Variants in RANBP17 observed in about 807,000 individuals in gnomAD.
RANBP17 encodes the protein RAN binding protein 17.
Under a neutral mutation model 141.2 loss-of-function variants are expected in RANBP17, and 158 were observed. The observed-to-expected ratio is 1.12, with a 90% CI of 0.98 to 1.28. The LOEUF (loss-of-function observed/expected upper bound fraction) is 1.28. RANBP17 is among the 50% of genes most tolerant of loss of function. The pLI, the probability that RANBP17 is intolerant of heterozygous loss-of-function variation, is 0.00. For synonymous variants in RANBP17, 430 were observed against 450.0 expected (o/e 0.96, Z 0.56); for missense variants, 1,438 against 1,290.7 (o/e 1.11, Z -1.75).
chr5:171,010,140 A>G (rs1561984073), intron 14 of RANBP17, among the ~76,000 whole-genome samples: 2 of 152,184 alleles, frequency 1.3e-5, no homozygotes, highest in South Asian at 2.1e-4. Context: ...ATGCGGGACA[A>G]GATTCCAGGA....
chr5:171,215,147 A>G (rs1763143763), intron 21 of RANBP17, among the ~76,000 whole-genome samples: 1 of 151,744 alleles, frequency 6.6e-6, no homozygotes, highest in African/African-American at 2.4e-5. Context: ...GAGTGAGAAC[A>G]TGTGGTGTTT....
chr5:171,087,497 G>A (rs1474790471), intron 14 of RANBP17, among the ~76,000 whole-genome samples: 1 of 152,146 alleles, frequency 6.6e-6, no homozygotes, highest in African/African-American at 2.4e-5. Context: ...GTGCAGAGCT[G>A]AGTTCAATTC....
rs769736993 is a variant in RANBP17 at position 170,878,243 on chromosome 5, A to T, written c.165A>T (p.Thr55=). The change falls in exon 2 of 28, where the codon ACA becomes ACT. Residue 55 remains threonine, a splice_region_variant and synonymous_variant. Transcript: ENST00000523189. ...GTCAACTTTTATTAGAACAAGGAACAGTAAGTATTTGGTAACAATGATTAA... is the reference window on the plus strand; with the variant it reads ...GTCAACTTTTATTAGAACAAGGAACTGTAAGTATTTGGTAACAATGATTAA... The part of the protein sequence containing the change: ...SKCQLLLEQG[T]TSYAQLLAAT... 6.2e-7 allele frequency: 1 copy of T among 1,604,258 alleles called. No homozygotes were observed.
chr5:171,199,609 T>G, intron 18 of RANBP17, 61 bp from the exon 19 acceptor site: 1 of 1,040,692 alleles, frequency 9.6e-7, no homozygotes, highest in Non-Finnish European at 1.5e-6. Context: ...CACTCAATGC[T>G]GAGGACAATG....
chr5:171,016,880 G>T (rs557401778), intron 14 of RANBP17, among the ~76,000 whole-genome samples: 1 of 151,300 alleles, frequency 6.6e-6, no homozygotes, highest in Admixed American at 6.6e-5. Context: ...CTATTGACCC[G>T]TCCTCTTAAG....
intron 2 of RANBP17, 46 bp from the exon 3 acceptor site, chr5:170,881,755 CTTTAT>C (rs1768715322): frequency 7.7e-7 from 1 of 1,292,586 alleles, no homozygotes; most frequent in South Asian, 1.5e-5. Context: ...TATCACAATG[CTTTAT>C]TTTAATTTCA....
intron 18 of RANBP17, among the ~76,000 whole-genome samples, chr5:171,199,369 A>G (rs1338437261): frequency 6.6e-6 from 1 of 152,114 alleles, no homozygotes; most frequent in Non-Finnish European, 1.5e-5. Flanking sequence ...GCATTAGAGA[A>G]GCTCTAGGGG....
intron 19 of RANBP17, among the ~76,000 whole-genome samples, 197 bp from the exon 20 acceptor site, chr5:171,205,327 T>C (rs1265515873): frequency 6.6e-6 from 1 of 152,214 alleles, no homozygotes; most frequent in Non-Finnish European, 1.5e-5. Context: ...GCTAAATTTA[T>C]AAGAAGTAAA....
chr5:171,099,465 T>A (rs546177102), intron 14 of RANBP17, among the ~76,000 whole-genome samples: 16 of 152,330 alleles, frequency 1.1e-4, no homozygotes, highest in Admixed American at 6.5e-4. Context: ...ATCCTGAGAC[T>A]TTGTTGACGT....
intron 14 of RANBP17, among the ~76,000 whole-genome samples, chr5:171,064,238 T>G (rs1784136635): frequency 1.3e-5 from 2 of 152,186 alleles, no homozygotes; most frequent in Admixed American, 1.3e-4. Flanking sequence ...AATGCAGAAA[T>G]CACCCGTCTT....
At chr5:170,916,078 C>T (rs953978171) in intron 8 of RANBP17, among the ~76,000 whole-genome samples, 3 of 149,472 alleles carry the variant, frequency 2.0e-5, no homozygotes, top group Non-Finnish European at 4.5e-5. Context: ...CATTATAATG[C>T]ATTATATTCT....
intron 16 of RANBP17, among the ~76,000 whole-genome samples, chr5:171,177,639 A>G (rs1340623928): frequency 6.6e-6 from 1 of 152,204 alleles, no homozygotes; most frequent in Non-Finnish European, 1.5e-5. Flanking sequence ...AGTCTTGGCT[A>G]AAGACTTAGT....
chr5:171,065,699 A>G (rs1222281515), intron 14 of RANBP17, among the ~76,000 whole-genome samples: 1 of 152,014 alleles, frequency 6.6e-6, no homozygotes, highest in Non-Finnish European at 1.5e-5. Context: ...TAGAAATTAT[A>G]TTTTATTCCA....
chr5:171,199,532 C>T, intron 18 of RANBP17, 138 bp from the exon 19 acceptor site: 1 of 488,860 alleles, frequency 2.0e-6, no homozygotes, highest in South Asian at 4.5e-5. Flanking sequence ...AGCAAAAGTA[C>T]AAAATGTGGC....
At chr5:171,150,036 G>T (rs561835309) in intron 14 of RANBP17, among the ~76,000 whole-genome samples, 1 of 152,248 alleles carries the variant, frequency 6.6e-6, no homozygotes, top group South Asian at 2.1e-4. Flanking sequence ...AAATGCTTCT[G>T]TTTTGCTAAA....
chr5:171,046,637 A>T (rs1171340700), intron 14 of RANBP17, among the ~76,000 whole-genome samples: 1 of 152,192 alleles, frequency 6.6e-6, no homozygotes, highest in African/African-American at 2.4e-5. Flanking sequence ...ATGCTTATAC[A>T]GCATATGATA....
chr5:171,060,938 A>C (rs1783790331), intron 14 of RANBP17, among the ~76,000 whole-genome samples: 1 of 115,988 alleles, frequency 8.6e-6, no homozygotes, highest in South Asian at 4.3e-4. Flanking sequence ...TAGATTTTCT[A>C]GTTTATTTGC....
chr5:171,152,775 T>C (rs1758585396), intron 14 of RANBP17, among the ~76,000 whole-genome samples: 1 of 152,224 alleles, frequency 6.6e-6, no homozygotes, highest in South Asian at 2.1e-4. Context: ...CACTCATTTA[T>C]TGTTTATTAT....
chr5:171,170,344 G>T, intron 15 of RANBP17, 141 bp downstream of exon 15: 1 of 434,538 alleles, frequency 2.3e-6, no homozygotes, highest in Non-Finnish European at 4.1e-6. Context: ...TGTTAGCATT[G>T]TTCTTAATTG....
Sources: allele counts gnomAD v4.1 joint callset (sites outside exome capture counted in the v4.1 genomes callset), GRCh38; gene constraint gnomAD v4.1.1; transcripts MANE v1.5; gene names NCBI Gene and HGNC (gene_info 2026-07-23, HGNC 2026-07-21).